Variants in TTC3 observed in about 807,000 individuals in gnomAD.
TTC3 encodes E3 ubiquitin-protein ligase TTC3.
TTC3 carries 180 observed loss-of-function variants against 249.6 expected under a neutral mutation model. The ratio of observed to expected loss-of-function variants is 0.72; its 90% CI spans 0.64 to 0.82. The LOEUF (loss-of-function observed/expected upper bound fraction) is 0.82. Among genes scored for constraint, TTC3 ranks in the 40% least tolerant of loss-of-function variants. TTC3 has a pLI of 0.00. For missense variants in TTC3, 2,061 were observed against 2,398.4 expected, an observed-to-expected ratio of 0.86 and a Z score of 2.94; for synonymous variants, 717 against 805.0, an observed-to-expected ratio of 0.89 and a Z score of 1.85.
At chr21:37,161,964 T>A in intron 30 of TTC3, 26 bp from the exon 31 acceptor site, 1 of 1,487,040 alleles carries the variant, frequency 6.7e-7, no homozygotes, top group Non-Finnish European at 9.1e-7. Flanking sequence ...AGAAAATCAT[T>A]GTCATTTTTC....
At chr21:37,123,177 C>T (rs2076765890) in intron 13 of TTC3, 149 bp downstream of exon 13, 12 of 777,870 alleles carry the variant, frequency 1.5e-5, no homozygotes, top group Middle Eastern at 7.2e-4. Flanking sequence ...TTTAAGTGTC[C>T]GTGTTATCAG....
chr21:37,100,702 T>G (rs1161918815), intron 10 of TTC3: 1 of 152,238 alleles, frequency 6.6e-6, no homozygotes, highest in Non-Finnish European at 1.5e-5. Context: ...CTGCGCTGCC[T>G]CCTGCGCCCC....
chr21:37,085,569 G>A (rs2072345871), intron 1 of TTC3, among the ~76,000 whole-genome samples: 1 of 152,226 alleles, frequency 6.6e-6, no homozygotes, highest in Admixed American at 6.5e-5. Flanking sequence ...GAGCCGTAAT[G>A]ACTCTTGGCT....
intron 31 of TTC3, 94 bp from the exon 32 acceptor site, chr21:37,163,957 T>C: frequency 7.1e-7 from 1 of 1,399,446 alleles, no homozygotes; most frequent in Non-Finnish European, 9.7e-7. Context: ...ATTGCCATTA[T>C]TGTGTTTATT....
chr21:37,200,230 A>G lies in TTC3; in HGVS notation c.5851-2A>G. ...ACTATTCAGGTGTGTTTGTTTCCAC[A>G]GGCACTGGGTGCAAGTTCCTGTGAA... is the stretch of plus-strand genomic sequence containing the variant. On this transcript the variant is annotated splice_acceptor_variant, in intron 44 of 45. Transcript: ENST00000355666. LOFTEE classifies it high-confidence loss of function. The G allele has an allele frequency of 6.2e-7, 1 of 1,613,916 alleles. No individual in the cohort carries two copies. The highest frequency in any genetic ancestry group is 2.2e-5 in the East Asian group (1 of 44,878).
chr21:37,128,716 T>G (rs1001791860), intron 15 of TTC3, among the ~76,000 whole-genome samples: 3 of 152,230 alleles, frequency 2.0e-5, no homozygotes, highest in Non-Finnish European at 2.9e-5. Flanking sequence ...TCACCCCATC[T>G]GATTATAAAC....
At chr21:37,195,688 T>C in exon 42 of TTC3, 1 of 1,609,596 alleles carries the variant, frequency 6.2e-7, no homozygotes, top group Non-Finnish European at 8.5e-7. Context: ...CATCCCGAGT[T>C]ACTCCCTGAG....
intron 18 of TTC3, among the ~76,000 whole-genome samples, chr21:37,138,195 A>C (rs975958073): frequency 6.6e-6 from 1 of 152,190 alleles, no homozygotes; most frequent in Admixed American, 6.5e-5. Flanking sequence ...CATAACTTTA[A>C]TATGCACTGG....
chr21:37,191,220 G>A, intron 39 of TTC3, 114 bp from the exon 40 acceptor site: 1 of 644,766 alleles, frequency 1.6e-6, no homozygotes, highest in Admixed American at 4.0e-5. Flanking sequence ...TTGGATTTTT[G>A]TGTGTATGTG....
At chr21:37,109,805 AC>A (rs1321512303) in intron 11 of TTC3, among the ~76,000 whole-genome samples, 2 of 152,020 alleles carry the variant, frequency 1.3e-5, no homozygotes, top group Non-Finnish European at 2.9e-5. Flanking sequence ...ACTGGGAGGC[AC>A]CCCCCAGTAG....
exon 33 of TTC3, chr21:37,166,044 A>T: frequency 6.2e-7 from 1 of 1,614,182 alleles, no homozygotes; most frequent in Admixed American, 1.7e-5. Context: ...GTCTCTTCTA[A>T]TTCTCCTAAA....
exon 27 of TTC3, chr21:37,153,053 C>T (rs142207030): frequency 6.2e-7 from 1 of 1,613,930 alleles, no homozygotes; most frequent in African/African-American, 1.3e-5. Flanking sequence ...CAGAATACAG[C>T]CATGCTTCTC....
chr21:37,147,791 C>T (rs9978203), intron 22 of TTC3, among the ~76,000 whole-genome samples, 188 bp downstream of exon 22: 45,329 of 151,194 alleles, frequency 0.3, 7,289 homozygotes, highest in South Asian at 0.52. Context: ...TGCAGTGGCA[C>T]GATCTTGGCT....
At chr21:37,165,371 T>C (rs1167313333) in intron 32 of TTC3, among the ~76,000 whole-genome samples, 179 bp from the exon 33 acceptor site, 1 of 152,240 alleles carries the variant, frequency 6.6e-6, no homozygotes, top group Admixed American at 6.5e-5. Context: ...GACAAAATTT[T>C]CTTTATAGTA....
At chr21:37,198,102 C>T in intron 44 of TTC3, 77 bp downstream of exon 44, 1 of 1,464,192 alleles carries the variant, frequency 6.8e-7, no homozygotes, top group South Asian at 1.5e-5. Context: ...GATTTAGCCC[C>T]ATTCATTTCT....
rs2298325 is a variant in TTC3, at chr21:37,150,010, A to G, written c.2119-68A>G. ...GACTGTTCCTAGTGGTAAAAATAGT[A>G]TACGTGTATAGATTTATCCCCCCTA... is the stretch of plus-strand genomic sequence containing the variant. On this transcript the variant is annotated intron_variant, in intron 23 of 45. Transcript: ENST00000355666. The G allele has an allele frequency of 4.0e-4, 451 of 1,124,858 alleles. 2 individuals carry two copies. In the East Asian group the frequency reaches 0.01, roughly 25 times the overall value. The allele number at this position is 1,124,858 out of a possible 1,614,324, so 69.7% of individuals were successfully genotyped here. A position where few individuals can be genotyped will look rare whatever the true frequency, so the allele number is the denominator to read the frequency against.
chr21:37,084,047 A>G (rs1210787038), intron 1 of TTC3: 1 of 152,258 alleles, frequency 6.6e-6, no homozygotes, highest in Admixed American at 6.5e-5. Context: ...TTAACTAAAA[A>G]TATATGTGAT....
chr21:37,080,157 C>T (rs545108865), intron 1 of TTC3, among the ~76,000 whole-genome samples: 71 of 152,026 alleles, frequency 4.7e-4, no homozygotes, highest in Non-Finnish European at 7.4e-4. Flanking sequence ...TGTAAACTTC[C>T]TCAAAGTTCA....
At chr21:37,117,181 A>G (rs1424669935) in intron 11 of TTC3, among the ~76,000 whole-genome samples, 2 of 152,184 alleles carry the variant, frequency 1.3e-5, no homozygotes, top group South Asian at 4.1e-4. Flanking sequence ...CCAAATTGTG[A>G]TTCAGGTGGC....
Sources: allele counts gnomAD v4.1 joint callset (sites outside exome capture counted in the v4.1 genomes callset), GRCh38; gene constraint gnomAD v4.1.1; transcripts MANE v1.5; gene names NCBI Gene and HGNC (gene_info 2026-07-23, HGNC 2026-07-21).